Variants in BFAR observed in about 807,000 individuals in gnomAD.
BFAR encodes bifunctional apoptosis regulator.
A neutral mutation model predicts 54.4 loss-of-function variants in BFAR; 52 were observed. That is an observed-to-expected ratio of 0.96 (90% confidence interval 0.77 to 1.21). The LOEUF (loss-of-function observed/expected upper bound fraction) is 1.21. BFAR is among the 50% of genes most tolerant of loss of function. The pLI is 0.00. For synonymous variants in BFAR, 215 were observed against 204.3 expected (o/e 1.05, Z -0.45); for missense variants, 571 against 534.0 (o/e 1.07, Z -0.68).
intron 5 of BFAR, among the ~76,000 whole-genome samples, chr16:14,661,182 C>G (rs1331376666): frequency 2.6e-5 from 4 of 152,162 alleles, no homozygotes; most frequent in Admixed American, 2.0e-4. Flanking sequence ...CACTATTACA[C>G]TCAGTGTAGT....
intron 1 of BFAR, among the ~76,000 whole-genome samples, chr16:14,643,202 A>G (rs1442528426): frequency 6.6e-6 from 1 of 152,180 alleles, no homozygotes; most frequent in African/African-American, 2.4e-5. Flanking sequence ...AATCCCAGCT[A>G]CTTGGGAGGC....
At chr16:14,648,295 A>G (rs1959860672) in intron 2 of BFAR, 93 bp from the exon 3 acceptor site, 4 of 948,182 alleles carry the variant, frequency 4.2e-6, no homozygotes, top group Non-Finnish European at 6.4e-6. Flanking sequence ...GTAGCTATAT[A>G]TTATTAGATG....
At chr16:14,642,536 A>T (rs984523070) in intron 1 of BFAR, among the ~76,000 whole-genome samples, 3 of 152,172 alleles carry the variant, frequency 2.0e-5, no homozygotes, top group African/African-American at 7.2e-5. Context: ...ACCTTTTGTC[A>T]TTTGCTTATT....
intron 1 of BFAR, among the ~76,000 whole-genome samples, chr16:14,633,905 G>A (rs1185449704): frequency 1.3e-5 from 2 of 152,164 alleles, no homozygotes; most frequent in Non-Finnish European, 2.9e-5. Flanking sequence ...CACTCGCCTC[G>A]GCCTCCCAAA....
At chr16:14,633,708 G>A (rs1478083756) in intron 1 of BFAR, among the ~76,000 whole-genome samples, 2 of 152,094 alleles carry the variant, frequency 1.3e-5, no homozygotes, top group East Asian at 1.9e-4. Flanking sequence ...GCTGGAGTGC[G>A]GTGGAGCAAT....
chr16:14,639,728 A>C (rs1336026875), intron 1 of BFAR, among the ~76,000 whole-genome samples: 1 of 152,208 alleles, frequency 6.6e-6, no homozygotes, highest in Non-Finnish European at 1.5e-5. Context: ...TCAGTTAGGC[A>C]TGTCTTCAGG....
At chr16:14,649,611 C>T (rs1567489100) in intron 3 of BFAR, among the ~76,000 whole-genome samples, 193 bp from the exon 4 acceptor site, 3 of 152,120 alleles carry the variant, frequency 2.0e-5, no homozygotes, top group Admixed American at 6.6e-5. Context: ...GAGAGAGGCA[C>T]CCGAGGAGAG....
intron 5 of BFAR, among the ~76,000 whole-genome samples, chr16:14,658,593 C>G (rs1430409747): frequency 6.6e-6 from 1 of 151,878 alleles, no homozygotes. Flanking sequence ...ATTAGCTGGG[C>G]GTGGTGGTGG....
At chr16:14,634,331 C>T (rs1416441643) in intron 1 of BFAR, among the ~76,000 whole-genome samples, 1 of 152,224 alleles carries the variant, frequency 6.6e-6, no homozygotes, top group East Asian at 1.9e-4. Flanking sequence ...GTGTGCTCTG[C>T]ATTTCCCTAT....
chr16:14,655,985 G>C (rs1960118437), intron 5 of BFAR, among the ~76,000 whole-genome samples: 1 of 152,044 alleles, frequency 6.6e-6, no homozygotes, highest in Non-Finnish European at 1.5e-5. Flanking sequence ...CGAGGCGGGG[G>C]GATGACCTGA....
At position 14,661,683 on chromosome 16, in the gene BFAR, C is replaced by T. The variant is rs201564115; in HGVS notation, c.784-209C>T. On this transcript the variant is annotated intron_variant, in intron 5 of 7. Coordinates refer to ENST00000261658, the MANE Select transcript of BFAR (RefSeq NM_016561.3). The stretch of plus-strand genomic sequence containing the variant: ...CTTCCCAAGTGTTGGGATTTACAGG[C>T]GTGAGCCACCATGCTCCGCCAAGAT... 5.3e-5 allele frequency among the ~76,000 whole-genome samples: 8 copies of T among 152,268 alleles called. 1 individual carries two copies. Among genetic ancestry groups the T allele is most frequent in the East Asian group, 1.9e-4 (1 of 5,180 alleles).
chr16:14,646,302 C>G (rs1330819689), intron 2 of BFAR, among the ~76,000 whole-genome samples: 1 of 152,200 alleles, frequency 6.6e-6, no homozygotes, highest in Non-Finnish European at 1.5e-5. Flanking sequence ...ATCCGCCCAC[C>G]TTGGCCTCCC....
chr16:14,656,214 A>G (rs1413168440), intron 5 of BFAR, among the ~76,000 whole-genome samples: 1 of 152,044 alleles, frequency 6.6e-6, no homozygotes, highest in Non-Finnish European at 1.5e-5. Context: ...AAAAAAAAGC[A>G]AAGAACAGAA....
At chr16:14,643,201 T>C (rs1226457282) in intron 1 of BFAR, among the ~76,000 whole-genome samples, 1 of 152,040 alleles carries the variant, frequency 6.6e-6, no homozygotes, top group Non-Finnish European at 1.5e-5. Flanking sequence ...TAATCCCAGC[T>C]ACTTGGGAGG....
intron 1 of BFAR, among the ~76,000 whole-genome samples, chr16:14,635,118 T>C (rs1279205024): frequency 6.6e-6 from 1 of 152,198 alleles, no homozygotes; most frequent in African/African-American, 2.4e-5. Flanking sequence ...GCAGATTGCT[T>C]GAGCTCAGGT....
chr16:14,637,779 A>G (rs532816284), intron 1 of BFAR, among the ~76,000 whole-genome samples: 1 of 152,118 alleles, frequency 6.6e-6, no homozygotes, highest in Non-Finnish European at 1.5e-5. Flanking sequence ...AGGTGAGCCA[A>G]AATTGTGCCA....
intron 1 of BFAR, among the ~76,000 whole-genome samples, chr16:14,636,010 G>A (rs2151833912): frequency 6.6e-6 from 1 of 152,182 alleles, no homozygotes; most frequent in East Asian, 1.9e-4. Context: ...GCTTACATTT[G>A]AGCACGTTTT....
At chr16:14,658,154 G>A (rs939795686) in intron 5 of BFAR, among the ~76,000 whole-genome samples, 4 of 152,154 alleles carry the variant, frequency 2.6e-5, no homozygotes, top group Non-Finnish European at 4.4e-5. Flanking sequence ...AAGAGAGAGG[G>A]GACTTCCAAG....
intron 2 of BFAR, among the ~76,000 whole-genome samples, chr16:14,647,394 T>A (rs1283064085): frequency 6.6e-6 from 1 of 151,850 alleles, no homozygotes; most frequent in African/African-American, 2.4e-5. Flanking sequence ...TTAAAAATAC[T>A]TCTAAACATA....
Sources: gnomAD v4.1 joint callset for allele counts (sites outside exome capture counted in the v4.1 genomes callset) on GRCh38, gnomAD v4.1.1 for gene constraint, MANE v1.5 for transcripts, NCBI Gene and HGNC (gene_info 2026-07-23, HGNC 2026-07-21) for gene names.